Variants in PCDHGB1 observed in about 807,000 individuals in gnomAD.
PCDHGB1 encodes protocadherin gamma-B1.
In PCDHGB1, 34 loss-of-function variants were observed where a neutral mutation model predicts 56.6. The ratio of observed to expected loss-of-function variants is 0.60; its 90% CI spans 0.46 to 0.80. The LOEUF is 0.80. Ranked by LOEUF, PCDHGB1 falls within the 30% of genes least tolerant of loss-of-function variation. The pLI, the probability that PCDHGB1 is intolerant of heterozygous loss-of-function variation, is 0.00. For synonymous variants in PCDHGB1, 561 were observed against 505.9 expected, an observed-to-expected ratio of 1.11 and a Z score of -1.46; for missense variants, 1,278 against 1,204.6, an observed-to-expected ratio of 1.06 and a Z score of -0.90.
intron 2 of PCDHGB1, among the ~76,000 whole-genome samples, chr5:141,496,468 C>T (rs1410143575): frequency 2.0e-5 from 3 of 152,126 alleles, no homozygotes; most frequent in Non-Finnish European, 4.4e-5. Context: ...AGTTATCTTT[C>T]CCCCATCCTG....
At chr5:141,418,904 A>C (rs2096300166) in intron 1 of PCDHGB1, 1 of 1,613,998 alleles carries the variant, frequency 6.2e-7, no homozygotes, top group Admixed American at 1.7e-5. Context: ...AGAAATAATC[A>C]TCACGTCACT....
At chr5:141,357,770 T>C in intron 1 of PCDHGB1, 1 of 952,176 alleles carries the variant, frequency 1.1e-6, no homozygotes, top group Non-Finnish European at 1.5e-6. Context: ...GACCTTCCAA[T>C]AATGATCAAC....
At chr5:141,355,329 A>G in intron 1 of PCDHGB1, 1 of 1,614,020 alleles carries the variant, frequency 6.2e-7, no homozygotes, top group Non-Finnish European at 8.5e-7. Flanking sequence ...AAGAAGGCTC[A>G]GTGGTGGGCA....
At chr5:141,428,105 G>T in intron 1 of PCDHGB1, 4 of 1,608,184 alleles carry the variant, frequency 2.5e-6, no homozygotes, top group Non-Finnish European at 2.5e-6. Context: ...ACCACGTGCT[G>T]CAGGCCATCG....
intron 1 of PCDHGB1, chr5:141,405,079 C>G (rs1383258618): frequency 6.2e-7 from 1 of 1,613,898 alleles, no homozygotes; most frequent in South Asian, 1.1e-5. Context: ...CCTTCGTTAT[C>G]ACGCTGCTGG....
chr5:141,456,715 A>G (rs2098881350), intron 1 of PCDHGB1, among the ~76,000 whole-genome samples: 1 of 152,204 alleles, frequency 6.6e-6, no homozygotes, highest in South Asian at 2.1e-4. Flanking sequence ...CTGTAATCCC[A>G]GCACTTTGGG....
chr5:141,491,232 G>C lies in PCDHGB1; in HGVS notation c.2410-3575G>C. The C allele has an allele frequency of 6.2e-7, 1 of 1,614,220 alleles. No individual in the cohort carries two copies. Among genetic ancestry groups the C allele is most frequent in the Non-Finnish European group, 8.5e-7 (1 of 1,180,034 alleles). On this transcript the variant is annotated intron_variant, in intron 1 of 3. Coordinates refer to ENST00000523390, the MANE Select transcript of PCDHGB1 (RefSeq NM_018922.3). The surrounding 1 kb of genome is among the most constrained non-coding windows in gnomAD (Gnocchi z 6.9). ...TCTCCTCCACAGCCACAGTGCTGCT[G>C]GTTCTGGAGGATGAGGACCCTGAGG... is the stretch of plus-strand genomic sequence containing the variant.
chr5:141,408,660 C>T, intron 1 of PCDHGB1: 1 of 1,613,980 alleles, frequency 6.2e-7, no homozygotes, highest in East Asian at 2.2e-5. Context: ...ACACGACTAT[C>T]GCTTGACCCT....
At chr5:141,365,228 G>C in intron 1 of PCDHGB1, 1 of 1,613,942 alleles carries the variant, frequency 6.2e-7, no homozygotes, top group Non-Finnish European at 8.5e-7. Flanking sequence ...CAACCTGGGG[G>C]AAATCTCAAC....
chr5:141,460,092 T>C (rs186695697), intron 1 of PCDHGB1, among the ~76,000 whole-genome samples: 37 of 152,056 alleles, frequency 2.4e-4, no homozygotes, highest in Admixed American at 9.8e-4. Context: ...ATAATAATTA[T>C]ACATGTAATT....
chr5:141,478,204 T>C (rs775367944), intron 1 of PCDHGB1: 7 of 1,613,950 alleles, frequency 4.3e-6, no homozygotes, highest in Middle Eastern at 1.6e-4. Context: ...ATCTACTTCT[T>C]TCTCTAATCC....
At chr5:141,510,304 A>G (rs1030803209) in intron 3 of PCDHGB1, among the ~76,000 whole-genome samples, 1 of 151,732 alleles carries the variant, frequency 6.6e-6, no homozygotes, top group Non-Finnish European at 1.5e-5. Context: ...CTGTTTTGAA[A>G]TGGAGGCTTG....
chr5:141,387,071 C>T (rs1487403463), intron 1 of PCDHGB1, among the ~76,000 whole-genome samples: 2 of 152,172 alleles, frequency 1.3e-5, no homozygotes, highest in African/African-American at 4.8e-5. Flanking sequence ...GAGGAGTAGG[C>T]TACTGCCTGT....
intron 1 of PCDHGB1, chr5:141,414,866 C>T: frequency 6.2e-7 from 1 of 1,614,230 alleles, no homozygotes; most frequent in Non-Finnish European, 8.5e-7. Flanking sequence ...GACAATGCGC[C>T]CGAGATCCTG....
At chr5:141,370,675 A>G (rs567328067) in intron 1 of PCDHGB1, 2 of 1,613,844 alleles carry the variant, frequency 1.2e-6, no homozygotes, top group African/African-American at 2.7e-5. Flanking sequence ...GACCGAGAGG[A>G]GATTTGTGGC....
intron 1 of PCDHGB1, chr5:141,394,113 A>G: frequency 6.2e-7 from 1 of 1,613,950 alleles, no homozygotes; most frequent in Non-Finnish European, 8.5e-7. Flanking sequence ...ACCTCTGTCC[A>G]CTGAAACTCA....
In PCDHGB1 at chr5:141,357,583, C is replaced by G. The variant is rs756550703; in HGVS notation, c.2409+4914C>G. ...GAAAAGCGAGCCTCTTCTGATAACT[C>G]AGGATTTACTTGAAACAAAAGGAGA... is the stretch of plus-strand genomic sequence containing the variant. On this transcript the variant is annotated intron_variant, in intron 1 of 3. Transcript: ENST00000523390. The G allele has an allele frequency of 1.9e-6, 3 of 1,614,070 alleles. No homozygotes were observed. In the African/African-American group the frequency reaches 4.0e-5, roughly 22 times the overall value.
intron 1 of PCDHGB1, chr5:141,355,521 G>C (rs1759885440): frequency 1.2e-6 from 2 of 1,613,948 alleles, no homozygotes; most frequent in Admixed American, 1.7e-5. Context: ...CAAACCTGGA[G>C]ATTCTTCTAG....
chr5:141,481,436 T>C (rs775003998), intron 1 of PCDHGB1, among the ~76,000 whole-genome samples: 5 of 152,220 alleles, frequency 3.3e-5, no homozygotes, highest in South Asian at 2.1e-4. Flanking sequence ...ATTGTATCAG[T>C]TTAGTACATG....
Sources: allele counts gnomAD v4.1 joint callset (sites outside exome capture counted in the v4.1 genomes callset), GRCh38; gene constraint gnomAD v4.1.1; non-coding constraint Gnocchi (gnomAD v3.1); transcripts MANE v1.5; gene names NCBI Gene and HGNC (gene_info 2026-07-23, HGNC 2026-07-21).